SNX29: variants seen among roughly 807,000 people sequenced by gnomAD.
SNX29 encodes sorting nexin 29.
In SNX29, 78 loss-of-function variants were observed where a neutral mutation model predicts 102.1. The ratio of observed to expected loss-of-function variants is 0.76; its 90% CI spans 0.64 to 0.92. The LOEUF (loss-of-function observed/expected upper bound fraction) is 0.92. SNX29 is among the 40% of genes least tolerant of loss of function. SNX29 has a pLI of 0.00. For missense variants in SNX29, 1,280 were observed against 1,061.7 expected, an observed-to-expected ratio of 1.21 and a Z score of -2.86; for synonymous variants, 580 against 414.5, an observed-to-expected ratio of 1.40 and a Z score of -4.85.
chr16:12,564,934 T>TAAAAA (rs6145751), intron 20 of SNX29, among the ~76,000 whole-genome samples: 46 of 144,934 alleles, frequency 3.2e-4, no homozygotes, highest in Non-Finnish European at 4.1e-4. Context: ...ACCTTGGTGT[T>TAAAAA]AAAAAAAAAA....
chr16:12,337,702 T>C (rs1459114416), intron 15 of SNX29, among the ~76,000 whole-genome samples: 1 of 152,192 alleles, frequency 6.6e-6, no homozygotes, highest in Non-Finnish European at 1.5e-5. Context: ...CCAGATTTTA[T>C]GGACGAAGGG....
At chr16:12,084,246 G>A (rs2052052162) in intron 11 of SNX29, among the ~76,000 whole-genome samples, 1 of 151,822 alleles carries the variant, frequency 6.6e-6, no homozygotes, top group African/African-American at 2.4e-5. Context: ...CCCGGATTCA[G>A]GCTATTCTCC....
chr16:12,156,299 G>C (rs1216530424), intron 13 of SNX29, among the ~76,000 whole-genome samples: 2 of 152,326 alleles, frequency 1.3e-5, no homozygotes, highest in East Asian at 3.9e-4. Flanking sequence ...TCAGTCTCCT[G>C]AGTAGCTGGG....
intron 15 of SNX29, among the ~76,000 whole-genome samples, chr16:12,300,900 C>G (rs1227535626): frequency 3.3e-5 from 5 of 152,112 alleles, no homozygotes; most frequent in African/African-American, 4.8e-5. Flanking sequence ...CCAAAAATGT[C>G]TCTCGACATT....
chr16:12,148,427 A>G (rs1207646907), intron 13 of SNX29, among the ~76,000 whole-genome samples: 2 of 150,692 alleles, frequency 1.3e-5, no homozygotes, highest in Non-Finnish European at 3.0e-5. Flanking sequence ...TGTATCTGGC[A>G]AGGCTCTTTC....
At chr16:12,272,837 C>CT (rs1192083929) in intron 14 of SNX29, among the ~76,000 whole-genome samples, 1 of 152,078 alleles carries the variant, frequency 6.6e-6, no homozygotes, top group African/African-American at 2.4e-5. Context: ...CCTGTTGCCG[C>CT]TTTTTTATTT....
At chr16:12,353,989 G>A (rs1314343894) in intron 15 of SNX29, among the ~76,000 whole-genome samples, 2 of 152,168 alleles carry the variant, frequency 1.3e-5, no homozygotes, top group East Asian at 1.9e-4. Context: ...ACCCATAAGT[G>A]CCCTCAAAGC....
intron 20 of SNX29, chr16:12,560,967 C>G (rs1184901830): frequency 4.7e-6 from 1 of 212,456 alleles, no homozygotes; most frequent in African/African-American, 2.3e-5. Flanking sequence ...GACCTGCCTT[C>G]AAGGAACCCT....
chr16:11,984,457 C>T (rs1456339115), intron 1 of SNX29, among the ~76,000 whole-genome samples: 1 of 152,060 alleles, frequency 6.6e-6, no homozygotes, highest in East Asian at 1.9e-4. Context: ...CTTGCTTTCA[C>T]CATTAACATT....
In SNX29 at chr16:12,522,508, C is replaced by T. The variant is rs1425864884; in HGVS notation, c.2179-2194C>T. On this transcript the variant is annotated intron_variant, in intron 19 of 20. Coordinates refer to ENST00000566228, the MANE Select transcript of SNX29 (RefSeq NM_032167.5). Reference sequence around the variant, plus strand: ...AAATCTCCTGTCGAATTGTAATCCGCAGTGTTAGAGGTGGGGCCTGGTGGG... The same window carrying T: ...AAATCTCCTGTCGAATTGTAATCCGTAGTGTTAGAGGTGGGGCCTGGTGGG... Among the ~76,000 whole-genome samples, 3 of 152,082 alleles carry T rather than the reference C, an allele frequency of 2.0e-5. 1 individual carries two copies. Among genetic ancestry groups the T allele is most frequent in the Non-Finnish European group, 4.4e-5 (3 of 67,998 alleles).
chr16:12,279,643 A>G (rs73506124), intron 15 of SNX29, among the ~76,000 whole-genome samples: 4,927 of 152,264 alleles, frequency 0.032, 259 homozygotes, highest in African/African-American at 0.11. Flanking sequence ...CAATCTCAGG[A>G]TTGGGACGAC....
At chr16:12,377,909 G>T (rs1197153277) in intron 16 of SNX29, among the ~76,000 whole-genome samples, 1 of 152,128 alleles carries the variant, frequency 6.6e-6, no homozygotes, top group Non-Finnish European at 1.5e-5. Context: ...TTTCCTTTGG[G>T]TTTTCATTTT....
chr16:12,134,403 A>G (rs1304299207), intron 13 of SNX29, among the ~76,000 whole-genome samples: 1 of 152,168 alleles, frequency 6.6e-6, no homozygotes, highest in Non-Finnish European at 1.5e-5. Flanking sequence ...GTTGCAGTCA[A>G]GCTGTTGGCC....
In SNX29 at chr16:12,071,753, A is replaced by T. The variant is rs574638849; in HGVS notation, c.1319+2621A>T. Reference sequence around the variant, plus strand: ...GGGGATGGCATTGAATCTATAAATTACCTTGGGCAGTATGGCCATTTTCAC... The same window carrying T: ...GGGGATGGCATTGAATCTATAAATTTCCTTGGGCAGTATGGCCATTTTCAC... On this transcript the variant is annotated intron_variant, in intron 10 of 20. Coordinates refer to ENST00000566228, the MANE Select transcript of SNX29 (RefSeq NM_032167.5). Among the ~76,000 whole-genome samples the T allele has an allele frequency of 1.5e-4, 23 of 152,294 alleles. No homozygotes were observed. In the Middle Eastern group the frequency reaches 0.01, roughly 68 times the overall value.
At chr16:12,470,792 A>G (rs1051867501) in intron 18 of SNX29, among the ~76,000 whole-genome samples, 1 of 152,212 alleles carries the variant, frequency 6.6e-6, no homozygotes, top group Admixed American at 6.5e-5. Context: ...TAATTCTGTA[A>G]TAGGGAAGTT....
chr16:12,295,237 C>A (rs1442395570), intron 15 of SNX29, among the ~76,000 whole-genome samples: 1 of 152,184 alleles, frequency 6.6e-6, no homozygotes, highest in Middle Eastern at 3.2e-3. Flanking sequence ...CTACTCGTCC[C>A]AGGGTTGACT....
chr16:12,106,258 C>T (rs350245), intron 11 of SNX29, among the ~76,000 whole-genome samples: 102,947 of 151,972 alleles, frequency 0.68, 35,935 homozygotes, highest in East Asian at 0.91. Context: ...GTGTGTCAGG[C>T]GGGCTGTTGT....
chr16:12,573,017 T>C lies in SNX29; in HGVS notation c.*4388T>C, dbSNP rs138190508. ...TAAAGCTACTGTTAAATATTTGCTG[T>C]TTTTAGATTGGCGTCCGTGCTAATT... On this transcript the variant is annotated 3_prime_UTR_variant, in exon 21 of 21. Coordinates refer to ENST00000566228, the MANE Select transcript of SNX29 (RefSeq NM_032167.5). The C allele has an allele frequency of 6.8e-6, 2 of 293,222 alleles. No individual in the cohort carries two copies. The highest frequency in any genetic ancestry group is 2.2e-5 in the African/African-American group (1 of 46,344). 18.2% of individuals were successfully genotyped at this position (293,222 alleles called of 1,614,324 possible).
At chr16:11,980,502 T>C (rs1376976661) in intron 1 of SNX29, among the ~76,000 whole-genome samples, 1 of 152,180 alleles carries the variant, frequency 6.6e-6, no homozygotes, top group Admixed American at 6.6e-5. Context: ...TGGGGGCAAG[T>C]CTCTTCATTT....
Sources: gnomAD v4.1 joint callset for allele counts (sites outside exome capture counted in the v4.1 genomes callset) on GRCh38, gnomAD v4.1.1 for gene constraint, MANE v1.5 for transcripts, NCBI Gene and HGNC (gene_info 2026-07-23, HGNC 2026-07-21) for gene names.